The following ZNF514 variants were observed in gnomAD, a reference collection of about 807,000 sequenced individuals.
ZNF514 encodes zinc finger protein 514.
A neutral mutation model predicts 9.7 loss-of-function variants in ZNF514; 12 were observed. The observed-to-expected ratio is 1.24, with a 90% CI of 0.79 to 2.01. ZNF514 has a LOEUF of 2.01. ZNF514 is among the 30% of genes most tolerant of loss of function. The pLI is 0.00. For synonymous variants in ZNF514, 158 were observed against 163.7 expected (o/e 0.97, Z 0.27); for missense variants, 467 against 465.5 (o/e 1.00, Z -0.03).
downstream of ZNF514, among the ~76,000 whole-genome samples, chr2:95,142,707 T>G (rs1275689239): frequency 6.6e-6 from 1 of 152,198 alleles, no homozygotes; most frequent in Non-Finnish European, 1.5e-5. Context: ...GAGCTCCAAA[T>G]GAGATCACCC....
At chr2:95,133,615 T>C in the ZNF514 span, among the ~76,000 whole-genome samples, 1 of 152,198 alleles carries the variant, frequency 6.6e-6, no homozygotes, top group African/African-American at 2.4e-5. Flanking sequence ...AGGATGGTTG[T>C]GTCTGTACTA....
chr2:95,124,315 C>G, the ZNF514 span, among the ~76,000 whole-genome samples: 9 of 152,100 alleles, frequency 5.9e-5, no homozygotes, highest in African/African-American at 2.2e-4. Flanking sequence ...TACATGATCT[C>G]ATGACTGGCT....
rs940492905 is a variant in ZNF514 at position 95,148,888 on chromosome 2, A to C, written c.*394T>G. 1.1e-5 allele frequency: 2 copies of C among 177,322 alleles called. No individual in the cohort carries two copies. Among genetic ancestry groups the C allele is most frequent in the East Asian group, 1.6e-4 (1 of 6,318 alleles). The allele number at this position is 177,322 out of a possible 1,614,324, so 11.0% of individuals were successfully genotyped here. ...CTGAAGATTTTTCCATACTTACCACACTTGTAGGATTTCTCTCCAGTACAA... is the reference window on the plus strand; with the variant it reads ...CTGAAGATTTTTCCATACTTACCACCCTTGTAGGATTTCTCTCCAGTACAA... On this transcript the variant is annotated 3_prime_UTR_variant, in exon 5 of 5. Coordinates refer to ENST00000295208, the MANE Select transcript of ZNF514 (RefSeq NM_032788.3).
chr2:95,157,965 G>A (rs1420229289), intron 1 of ZNF514, among the ~76,000 whole-genome samples: 1 of 152,120 alleles, frequency 6.6e-6, no homozygotes, highest in Admixed American at 6.5e-5. Flanking sequence ...TTAGGTCTCT[G>A]CAACACACTT....
At chr2:95,138,802 A>G in the ZNF514 span, among the ~76,000 whole-genome samples, 4 of 152,238 alleles carry the variant, frequency 2.6e-5, no homozygotes, top group Non-Finnish European at 5.9e-5. Flanking sequence ...AAAAGGATCC[A>G]AGTGCTAATA....
In ZNF514 at chr2:95,146,592, A is replaced by T. The variant is rs1051980864; in HGVS notation, c.*2690T>A. 6.6e-6 allele frequency among the ~76,000 whole-genome samples: 1 copy of T among 151,050 alleles called. No individual in the cohort carries two copies. Among genetic ancestry groups the T allele is most frequent in the African/African-American group, 2.4e-5 (1 of 40,996 alleles). The stretch of plus-strand genomic sequence containing the variant: ...GAGCAGCAGGAGGTTGGAGCAGCCT[A>T]AAGAGGGCATTATATACCACACACG... On this transcript the variant is annotated 3_prime_UTR_variant, in exon 5 of 5. Transcript: ENST00000295208.
At chr2:95,137,869 G>A in the ZNF514 span, among the ~76,000 whole-genome samples, 1 of 152,186 alleles carries the variant, frequency 6.6e-6, no homozygotes, top group African/African-American at 2.4e-5. Context: ...TAATGTTGAG[G>A]TTGGGGCCTA....
chr2:95,127,782 T>C, the ZNF514 span, among the ~76,000 whole-genome samples: 1 of 152,146 alleles, frequency 6.6e-6, no homozygotes, highest in African/African-American at 2.4e-5. Context: ...CTAATTTTTA[T>C]ATTTTTAGTA....
chr2:95,151,808 T>C (rs1245278396), intron 4 of ZNF514, among the ~76,000 whole-genome samples: 1 of 152,112 alleles, frequency 6.6e-6, no homozygotes, highest in East Asian at 1.9e-4. Context: ...CACTGTTAAA[T>C]AAACAGATGA....
At position 95,149,057 on chromosome 2, in the gene ZNF514, C is replaced by T; in HGVS notation, c.*225G>A. The T allele has an allele frequency of 1.9e-6, 1 of 514,652 alleles. No individual in the cohort carries two copies. The highest frequency in any genetic ancestry group is 3.3e-6 in the Non-Finnish European group (1 of 298,652). The allele number at this position is 514,652 out of a possible 1,614,324, so 31.9% of individuals were successfully genotyped here. ...AAAGCGTTCCCACATTCATTACATT[C>T]ACGTGGTTTCTCACTAGTATGGATT... is the stretch of plus-strand genomic sequence containing the variant. On this transcript the variant is annotated 3_prime_UTR_variant, in exon 5 of 5. Coordinates refer to ENST00000295208, the MANE Select transcript of ZNF514 (RefSeq NM_032788.3).
rs149293755 is a variant in ZNF514, at chr2:95,149,538, T to C, written c.947A>G (p.Tyr316Cys). The C allele has an allele frequency of 1.2e-5, 19 of 1,614,012 alleles. No individual in the cohort carries two copies. Among genetic ancestry groups the C allele is most frequent in the South Asian group, 4.4e-5 (4 of 91,076 alleles). Residue 316 changes from tyrosine to cysteine, a missense_variant, in exon 5 of 5, where the codon TAT becomes TGT. Tyr to Cys is a radical substitution (Grantham distance 194). Transcript: ENST00000295208. ...HQRTHTGEKP[Y>C]ECRECGRTFS... is the part of the protein sequence containing the mutation. ...GGTTCTCCCACATTCCCGGCATTCATAGGGCTTTTCTCCAGTATGAGTCCT... is the reference window on the plus strand; with the variant it reads ...GGTTCTCCCACATTCCCGGCATTCACAGGGCTTTTCTCCAGTATGAGTCCT...
the ZNF514 span, among the ~76,000 whole-genome samples, chr2:95,125,284 A>G: frequency 7.3e-6 from 1 of 136,742 alleles, no homozygotes; most frequent in African/African-American, 2.8e-5. Flanking sequence ...TCTGTCGCCC[A>G]GGCTGGAGTA....
In ZNF514 at chr2:95,149,862, T is replaced by C; in HGVS notation, c.623A>G (p.Glu208Gly). 6.2e-7 allele frequency: 1 copy of C among 1,614,240 alleles called. No homozygotes were observed. The highest frequency in any genetic ancestry group is 8.5e-7 in the Non-Finnish European group (1 of 1,180,040). Residue 208 changes from glutamate to glycine, a missense_variant, in exon 5 of 5, where the codon GAG (glutamate) becomes GGG (glycine). Coordinates refer to ENST00000295208, the MANE Select transcript of ZNF514 (RefSeq NM_032788.3). ...CTGGAAGTGAAAGGACTTCCCACAC[T>C]CATTACATTTACAAGATTTCTTTTC... is the stretch of plus-strand genomic sequence containing the variant. Reference protein sequence around the residue: ...HPEKKSCKCNECGKSFHFQSE... With the variant: ...HPEKKSCKCNGCGKSFHFQSE...
chr2:95,142,279 T>C (rs1452351718), downstream of ZNF514, among the ~76,000 whole-genome samples: 2 of 152,158 alleles, frequency 1.3e-5, no homozygotes, highest in African/African-American at 4.8e-5. Flanking sequence ...GACAATGGCT[T>C]TTTCACTTGC....
At chr2:95,140,349 A>G (rs183414092), downstream of ZNF514, among the ~76,000 whole-genome samples, 800 of 152,314 alleles carry the variant, frequency 5.3e-3, 4 homozygotes, top group Non-Finnish European at 8.3e-3. Context: ...GCCAGGCACC[A>G]TGGCTCACGC....
rs1416752482 is a variant in ZNF514, at chr2:95,159,315, G to C, written c.-171C>G. Reference sequence around the variant, plus strand: ...TGGATCCACACGCACAGTGGGCTCAGACTACCAGGAGACACGGCCACAGCC... The same window carrying C: ...TGGATCCACACGCACAGTGGGCTCACACTACCAGGAGACACGGCCACAGCC... On this transcript the variant is annotated 5_prime_UTR_variant, in exon 1 of 5. Coordinates refer to ENST00000295208, the MANE Select transcript of ZNF514 (RefSeq NM_032788.3). The C allele has an allele frequency of 9.2e-5, 15 of 162,424 alleles. No homozygotes were observed. Among genetic ancestry groups the C allele is most frequent in the Non-Finnish European group, 1.9e-4 (14 of 74,180 alleles). The allele number at this position is 162,424 out of a possible 1,614,324, so 10.1% of individuals were successfully genotyped here.
chr2:95,131,927 A>G, the ZNF514 span, among the ~76,000 whole-genome samples: 114,415 of 151,394 alleles, frequency 0.76, 43,658 homozygotes, highest in African/African-American at 0.86. Flanking sequence ...TGGATCGCTT[A>G]CGGTCAGGAG....
In ZNF514 at chr2:95,149,611, C is replaced by G; in HGVS notation, c.874G>C (p.Glu292Gln). Residue 292 changes from glutamate to glutamine, a missense_variant, in exon 5 of 5, where the codon GAA (glutamate) becomes CAA (glutamine). By Grantham distance (29) the Glu-to-Gln change is conservative. Transcript: ENST00000295208. ...GTGTGACCAAAGGCTCGTCCACATT[C>G]ATTACATTTGTAGGGTTTCTCTCCA... is the stretch of plus-strand genomic sequence containing the variant. ...HTGEKPYKCN[E>Q]CGRAFGHTSS... 1 of 1,613,992 alleles carries G rather than the reference C, an allele frequency of 6.2e-7. No individual in the cohort carries two copies. The highest frequency in any genetic ancestry group is 8.5e-7 in the Non-Finnish European group (1 of 1,179,996).
chr2:95,134,071 G>A, the ZNF514 span, among the ~76,000 whole-genome samples: 3 of 152,062 alleles, frequency 2.0e-5, no homozygotes, highest in African/African-American at 4.8e-5. Flanking sequence ...AGCTGACCAT[G>A]AGAATGGATA....
Sources: gnomAD v4.1 joint callset for allele counts (sites outside exome capture counted in the v4.1 genomes callset) on GRCh38, gnomAD v4.1.1 for gene constraint, MANE v1.5 for transcripts, NCBI Gene and HGNC (gene_info 2026-07-23, HGNC 2026-07-21) for gene names.